The following EP300 variants were observed in gnomAD, a reference collection of about 807,000 sequenced individuals.
EP300 encodes the protein histone acetyltransferase p300.
EP300 carries 31 observed loss-of-function variants against 264.0 expected under a neutral mutation model. The observed-to-expected ratio is 0.12, with a 90% CI of 0.09 to 0.16. The LOEUF (loss-of-function observed/expected upper bound fraction) is 0.16, where lower values mean the gene tolerates loss of function less well. EP300 is among the 10% of genes least tolerant of loss of function. The pLI is 1.00. For synonymous variants in EP300, 1,340 were observed against 1,045.4 expected (o/e 1.28, Z -5.44); for missense variants, 2,766 against 3,052.9 (o/e 0.91, Z 2.21).
intron 12 of EP300, chr22:41,148,747 C>T (rs966439371): frequency 4.4e-6 from 2 of 458,434 alleles, no homozygotes; most frequent in Non-Finnish European, 8.0e-6. Flanking sequence ...AAATTACCTG[C>T]TATCCTTGTG....
chr22:41,141,118 C>T lies in EP300; in HGVS notation c.1949C>T (p.Thr650Ile). ...IQKELEEKRR[T>I]RLQKQNMLPN... ...AAAGAACTAGAAGAAAAACGAAGGA[C>T]CAGACTACAGAAGCAGAACATGCTA... The change falls in exon 10 of 31, where the codon ACC becomes ATC. Residue 650 changes from threonine to isoleucine, a missense_variant. Thr to Ile is a moderately conservative substitution (Grantham distance 89, BLOSUM62 -1). Transcript: ENST00000263253. The T allele has an allele frequency of 1.2e-6, 2 of 1,614,110 alleles. No individual in the cohort carries two copies. Among genetic ancestry groups the T allele is most frequent in the Non-Finnish European group, 1.7e-6 (2 of 1,180,000 alleles).
Position 41,170,413 on chromosome 22 carries a change from A to G in EP300, c.4294A>G (p.Thr1432Ala), listed in dbSNP as rs2145766350. ...LEYVKKLGYT[T>A]GHIWACPPSE... ...TTCTCTTTGTATTGTTAGTTACACAACAGGGCATATTTGGGCATGTCCACC... is the reference window on the plus strand; with the variant it reads ...TTCTCTTTGTATTGTTAGTTACACAGCAGGGCATATTTGGGCATGTCCACC... The change falls in exon 27 of 31, where the codon ACA becomes GCA. Residue 1432 changes from threonine (T) to alanine (A), a missense_variant. By Grantham distance (58) the Thr-to-Ala change is moderately conservative. Transcript: ENST00000263253. 1 of 1,613,774 alleles carries G rather than the reference A, an allele frequency of 6.2e-7. No homozygotes were observed. Among genetic ancestry groups the G allele is most frequent in the East Asian group, 2.2e-5 (1 of 44,890 alleles).
chr22:41,130,270 AGAAAG>A (rs1012261063), intron 5 of EP300, among the ~76,000 whole-genome samples: 22 of 151,026 alleles, frequency 1.5e-4, no homozygotes, highest in African/African-American at 5.3e-4. Context: ...AAAAAAAAAA[AGAAAG>A]AAAAAACAGT....
intron 17 of EP300, among the ~76,000 whole-genome samples, chr22:41,156,635 A>G (rs964557353): frequency 6.6e-6 from 1 of 152,048 alleles, no homozygotes; most frequent in Non-Finnish European, 1.5e-5. Flanking sequence ...GCAGGTGAAT[A>G]GTTTGAACGA....
intron 5 of EP300, among the ~76,000 whole-genome samples, chr22:41,130,885 A>C (rs997909038): frequency 6.6e-6 from 1 of 152,160 alleles, no homozygotes; most frequent in Admixed American, 6.6e-5. Context: ...CAAAAATTTA[A>C]GCTTTTAGGG....
At chr22:41,101,156 C>T (rs1000626640) in intron 1 of EP300, among the ~76,000 whole-genome samples, 2 of 152,090 alleles carry the variant, frequency 1.3e-5, no homozygotes, top group East Asian at 3.9e-4. Context: ...CTCACTGTAG[C>T]CTCCATCTCC....
intron 16 of EP300, among the ~76,000 whole-genome samples, chr22:41,154,129 T>G (rs1368185253): frequency 1.3e-5 from 2 of 152,184 alleles, no homozygotes; most frequent in Non-Finnish European, 2.9e-5. Context: ...CCATTTTTGT[T>G]CTCTCTTCTT....
intron 23 of EP300, 71 bp from the exon 24 acceptor site, chr22:41,168,378 T>A: frequency 1.3e-6 from 2 of 1,559,360 alleles, no homozygotes; most frequent in Non-Finnish European, 1.8e-6. Context: ...ACAAATGAGA[T>A]TTGAGGTTGA....
At chr22:41,141,764 C>T (rs1330641179) in intron 10 of EP300, among the ~76,000 whole-genome samples, 1 of 151,944 alleles carries the variant, frequency 6.6e-6, no homozygotes, top group Non-Finnish European at 1.5e-5. Context: ...GCAGCCTCCG[C>T]CTCCCAGGTT....
chr22:41,150,246 GTATTA>G, intron 14 of EP300, 48 bp downstream of exon 14: 1 of 1,535,712 alleles, frequency 6.5e-7, no homozygotes, highest in South Asian at 1.2e-5. Flanking sequence ...CTATACTGTA[GTATTA>G]TATTACTTCT....
intron 6 of EP300, among the ~76,000 whole-genome samples, chr22:41,134,799 T>A (rs909693476): frequency 2.6e-5 from 4 of 152,252 alleles, no homozygotes; most frequent in African/African-American, 9.6e-5. Context: ...TCTTCTGTAT[T>A]GAAAATAACA....
intron 23 of EP300, among the ~76,000 whole-genome samples, chr22:41,167,584 G>GTGTATATATATATA (rs869093144): frequency 2.9e-4 from 10 of 34,486 alleles, no homozygotes; most frequent in Admixed American, 3.9e-4. Context: ...GTGTGTGTGT[G>GTGTATATATATATA]TATATATATA....
At chr22:41,108,251 T>TTC (rs1490095718) in intron 1 of EP300, among the ~76,000 whole-genome samples, 3 of 144,594 alleles carry the variant, frequency 2.1e-5, no homozygotes, top group Non-Finnish European at 4.6e-5. Context: ...TTTCTTTTTT[T>TTC]TTTTTTTTTT....
chr22:41,144,987 G>A (rs2059002719), intron 10 of EP300, among the ~76,000 whole-genome samples: 1 of 152,110 alleles, frequency 6.6e-6, no homozygotes, highest in Non-Finnish European at 1.5e-5. Context: ...GACTCTAGAA[G>A]AGCTGTGTTT....
In EP300 at chr22:41,117,253, G is replaced by A. The variant is rs749461224; in HGVS notation, c.161G>A (p.Gly54Glu). 1 of 1,614,136 alleles carries A rather than the reference G, an allele frequency of 6.2e-7. No homozygotes were observed. Among genetic ancestry groups the A allele is most frequent in the Non-Finnish European group, 8.5e-7 (1 of 1,180,018 alleles). The change falls in exon 2 of 31, where the codon GGA becomes GAA. Residue 54 changes from glycine (G) to glutamate (E), a missense_variant. Transcript: ENST00000263253. ...GAATTAATCAACTCTACAGAATTGG[G>A]ACTAACCAATGGTGGTGATATTAAT... ...PDELINSTEL[G>E]LTNGGDINQL...
chr22:41,161,952 T>A (rs1255781590), intron 20 of EP300, among the ~76,000 whole-genome samples: 3 of 152,198 alleles, frequency 2.0e-5, no homozygotes, highest in Admixed American at 2.0e-4. Flanking sequence ...CTAGGGTAAG[T>A]TTCCTTGATG....
chr22:41,123,162 G>T (rs777993599), intron 2 of EP300, among the ~76,000 whole-genome samples: 3 of 152,134 alleles, frequency 2.0e-5, no homozygotes, highest in Non-Finnish European at 4.4e-5. Context: ...TCTTAGTTAG[G>T]TTGTACTATC....
At position 41,131,384 on chromosome 22, in the gene EP300, C is replaced by CTT. The variant is rs781248516; in HGVS notation, c.1283-3_1283-2insTT. 39 of 1,613,504 alleles carry CTT rather than the reference C, an allele frequency of 2.4e-5. No individual in the cohort carries two copies. The highest frequency in any genetic ancestry group is 3.4e-6 in the Non-Finnish European group (4 of 1,179,984). On this transcript the variant is annotated splice_region_variant and splice_polypyrimidine_tract_variant and intron_variant, in intron 5 of 30. Coordinates refer to ENST00000263253, the MANE Select transcript of EP300 (RefSeq NM_001429.4). ...TGTAATACTATATCTTTTGTCTTCT[C>CTT]TAGCAATTTTGACTGGAGCACCCGT...
At chr22:41,154,273 ATCTAG>A (rs1463185362) in intron 16 of EP300, among the ~76,000 whole-genome samples, 2 of 150,968 alleles carry the variant, frequency 1.3e-5, no homozygotes, top group South Asian at 2.1e-4. Context: ...ACAATACCTG[ATCTAG>A]TCTAGTTTCT....
Sources: allele counts gnomAD v4.1 joint callset (sites outside exome capture counted in the v4.1 genomes callset), GRCh38; gene constraint gnomAD v4.1.1; transcripts MANE v1.5; gene names NCBI Gene and HGNC (gene_info 2026-07-23, HGNC 2026-07-21).